The following ASCC3 variants were observed in gnomAD, a reference collection of about 807,000 sequenced individuals.
The protein encoded by ASCC3 is ASC-1 complex subunit P200.
ASCC3 carries 158 observed loss-of-function variants against 256.3 expected under a neutral mutation model. That is an observed-to-expected ratio of 0.62 (90% confidence interval 0.54 to 0.70). The LOEUF (loss-of-function observed/expected upper bound fraction) is 0.70, where lower values mean the gene tolerates loss of function less well. Among genes scored for constraint, ASCC3 ranks in the 30% least tolerant of loss-of-function variants. The pLI is 0.00. For missense variants in ASCC3, 2,259 were observed against 2,626.0 expected, an observed-to-expected ratio of 0.86 and a Z score of 3.05; for synonymous variants, 948 against 883.4, an observed-to-expected ratio of 1.07 and a Z score of -1.30.
In ASCC3 at chr6:100,848,632, G is replaced by A. The variant is rs758792303; in HGVS notation, c.317C>T (p.Ser106Phe). 1.2e-6 allele frequency: 2 copies of A among 1,614,086 alleles called. No homozygotes were observed. Among genetic ancestry groups the A allele is most frequent in the South Asian group, 2.2e-5 (2 of 91,080 alleles). ...FLFMTFHLKD[S>F]VGHKETKAIK... ...AGCCTTTGTTTCCTTGTGACCAACAGAGTCCTTCAAGTGAAATGTCATGAA... is the reference window on the plus strand; with the variant it reads ...AGCCTTTGTTTCCTTGTGACCAACAAAGTCCTTCAAGTGAAATGTCATGAA... The change falls in exon 4 of 42, where the codon TCT becomes TTT. Residue 106 changes from serine (S) to phenylalanine (F), a missense_variant. Coordinates refer to ENST00000369162, the MANE Select transcript of ASCC3 (RefSeq NM_006828.4).
chr6:100,630,807 T>G (rs1383814808), intron 26 of ASCC3, among the ~76,000 whole-genome samples: 1 of 151,958 alleles, frequency 6.6e-6, no homozygotes, highest in East Asian at 1.9e-4. Flanking sequence ...ACGAAAAAAA[T>G]AGAGAGGCAG....
intron 3 of ASCC3, among the ~76,000 whole-genome samples, chr6:100,853,652 G>A (rs1772801441): frequency 1.3e-5 from 2 of 151,964 alleles, no homozygotes; most frequent in African/African-American, 4.8e-5. Flanking sequence ...TTTTTGTAGA[G>A]TCATTTCACA....
intron 8 of ASCC3, among the ~76,000 whole-genome samples, chr6:100,777,547 G>C (rs962638380): frequency 1.3e-5 from 2 of 152,080 alleles, no homozygotes; most frequent in South Asian, 4.2e-4. Context: ...TTAATAGATG[G>C]TGTAATGGGG....
chr6:100,667,503 G>T (rs1399969056), intron 14 of ASCC3, among the ~76,000 whole-genome samples: 1 of 152,088 alleles, frequency 6.6e-6, no homozygotes, highest in Non-Finnish European at 1.5e-5. Flanking sequence ...TAACTTCACA[G>T]TTGTGCTAAG....
At chr6:100,766,726 CTTGA>C (rs771463094) in intron 9 of ASCC3, 21 bp from the exon 10 acceptor site, 1 of 1,613,848 alleles carries the variant, frequency 6.2e-7, no homozygotes, top group South Asian at 1.1e-5. Flanking sequence ...GGAACACTAG[CTTGA>C]TTAATGAGCA....
At chr6:100,702,514 G>T (rs990602176) in intron 13 of ASCC3, among the ~76,000 whole-genome samples, 3 of 152,100 alleles carry the variant, frequency 2.0e-5, no homozygotes, top group South Asian at 4.1e-4. Flanking sequence ...AGAGGTCTGG[G>T]TTTGGAGTAC....
chr6:100,656,671 AAG>A (rs1411983865), intron 16 of ASCC3, among the ~76,000 whole-genome samples: 2 of 151,558 alleles, frequency 1.3e-5, no homozygotes. Flanking sequence ...CTGTATAACA[AAG>A]AGAAAAAATT....
chr6:100,700,045 C>T (rs1391665886), intron 13 of ASCC3, among the ~76,000 whole-genome samples: 2 of 152,122 alleles, frequency 1.3e-5, no homozygotes, highest in African/African-American at 4.8e-5. Flanking sequence ...CAGAAAATTG[C>T]ATAAGAAAAG....
chr6:100,651,490 G>A, intron 19 of ASCC3, 70 bp downstream of exon 19: 2 of 853,052 alleles, frequency 2.3e-6, no homozygotes, highest in Middle Eastern at 2.6e-4. Context: ...TGGTATTAAT[G>A]AGAACCTTTT....
intron 36 of ASCC3, among the ~76,000 whole-genome samples, chr6:100,542,421 G>A (rs772173585): frequency 1.3e-5 from 2 of 152,102 alleles, no homozygotes; most frequent in Non-Finnish European, 2.9e-5. Flanking sequence ...GGTGGCTCAC[G>A]CCTGTAATCC....
At chr6:100,776,734 T>C (rs182645087) in intron 8 of ASCC3, among the ~76,000 whole-genome samples, 32 of 152,146 alleles carry the variant, frequency 2.1e-4, no homozygotes, top group Admixed American at 1.8e-3. Context: ...ATAATAATCA[T>C]ATATATTTAT....
intron 40 of ASCC3, 91 bp from the exon 41 acceptor site, chr6:100,510,198 G>A (rs1214842640): frequency 3.0e-6 from 4 of 1,333,704 alleles, no homozygotes; most frequent in Non-Finnish European, 3.2e-6. Context: ...CTTACTTGAA[G>A]GCCATACATC....
chr6:100,693,885 A>C (rs1028523191), intron 13 of ASCC3, among the ~76,000 whole-genome samples: 6 of 152,158 alleles, frequency 3.9e-5, no homozygotes, highest in Non-Finnish European at 8.8e-5. Flanking sequence ...ATAAACAAAA[A>C]GATTAAAGCG....
chr6:100,563,643 T>C (rs576311512), intron 36 of ASCC3, among the ~76,000 whole-genome samples: 1 of 152,224 alleles, frequency 6.6e-6, no homozygotes, highest in East Asian at 1.9e-4. Context: ...ATGGGGGCTA[T>C]TCTCACTCTG....
At chr6:100,873,626 A>G (rs1773854954) in intron 1 of ASCC3, among the ~76,000 whole-genome samples, 1 of 152,202 alleles carries the variant, frequency 6.6e-6, no homozygotes, top group Non-Finnish European at 1.5e-5. Flanking sequence ...GCTGTGAGGC[A>G]GAAGCACCAG....
At position 100,805,811 on chromosome 6, in the gene ASCC3, C is replaced by T. The variant is rs1284664484; in HGVS notation, c.871G>A (p.Val291Met). The T allele has an allele frequency of 1.7e-5, 27 of 1,611,168 alleles. No homozygotes were observed. Among genetic ancestry groups the T allele is most frequent in the Non-Finnish European group, 2.3e-5 (27 of 1,178,460 alleles). Reference sequence around the variant, plus strand: ...TTTGAAGAATTAAGAAATCTATCCACAATTGTAATTCTGTTCTGGAGGAGT... The same window carrying T: ...TTTGAAGAATTAAGAAATCTATCCATAATTGTAATTCTGTTCTGGAGGAGT... ...EKLLQNRITI[V>M]DRFLNSSNDH... Residue 291 changes from valine to methionine, a missense_variant, in exon 5 of 42, where the codon GTG becomes ATG. By Grantham distance (21) the Val-to-Met change is conservative. This residue lies in a region of ASCC3 where 420 missense variants were observed against 419.3 expected (regional missense o/e 1.00). Coordinates refer to ENST00000369162, the MANE Select transcript of ASCC3 (RefSeq NM_006828.4).
In ASCC3 at chr6:100,800,391, T is replaced by C; in HGVS notation, c.1036A>G (p.Arg346Gly). ...GCCTTTTTTTCTCGTCTGGCAATTCTTTTTTCTTCACGTCGATATTGTTTC... is the reference window on the plus strand; with the variant it reads ...GCCTTTTTTTCTCGTCTGGCAATTCCTTTTTCTTCACGTCGATATTGTTTC... ...LMKQYRREEK[R>G]IARREKKAGE... Residue 346 changes from arginine (R) to glycine (G), a missense_variant, in exon 6 of 42, where the codon AGA becomes GGA. By Grantham distance (125) the Arg-to-Gly change is moderately radical. Coordinates refer to ENST00000369162, the MANE Select transcript of ASCC3 (RefSeq NM_006828.4). The C allele has an allele frequency of 6.2e-7, 1 of 1,612,934 alleles. No homozygotes were observed. Among genetic ancestry groups the C allele is most frequent in the South Asian group, 1.1e-5 (1 of 91,064 alleles).
At chr6:100,621,743 T>C (rs918079335) in intron 30 of ASCC3, among the ~76,000 whole-genome samples, 8 of 152,136 alleles carry the variant, frequency 5.3e-5, no homozygotes, top group South Asian at 4.1e-4. Flanking sequence ...ACTGGGCATA[T>C]ACCCAAAGGA....
rs549884205 is a variant in ASCC3 at position 100,854,798 on chromosome 6, C to A, written c.242-6091G>T. On this transcript the variant is annotated intron_variant, in intron 3 of 41. Transcript: ENST00000369162. Reference sequence around the variant, plus strand: ...CATATAAAAGCTTCCTATAATAAAACCATCATTTTGAGCATCACTAAGGAA... The same window carrying A: ...CATATAAAAGCTTCCTATAATAAAAACATCATTTTGAGCATCACTAAGGAA... Among the ~76,000 whole-genome samples the A allele has an allele frequency of 2.8e-4, 43 of 152,170 alleles. No individual in the cohort carries two copies. The South Asian group carries it at 8.9e-3, about 32-fold the overall frequency.
Sources: gnomAD v4.1 joint callset for allele counts (sites outside exome capture counted in the v4.1 genomes callset) on GRCh38, gnomAD v4.1.1 for gene constraint, gnomAD v4.1.1 regional missense constraint, MANE v1.5 for transcripts, NCBI Gene and HGNC (gene_info 2026-07-23, HGNC 2026-07-21) for gene names.